The following ARHGEF12 variants were observed in gnomAD, a reference collection of about 807,000 sequenced individuals.
ARHGEF12 encodes the protein KMT2A/ARHGEF12 fusion protein.
Under a neutral mutation model 211.2 loss-of-function variants are expected in ARHGEF12, and 66 were observed. The observed-to-expected ratio is 0.31, with a 90% confidence interval of 0.26 to 0.38. ARHGEF12 has a LOEUF of 0.38. ARHGEF12 is among the 10% of genes least tolerant of loss of function. The probability of loss-of-function intolerance (pLI) is 1.00; values close to 1 mark genes in which losing one functional copy is unlikely to be tolerated. For synonymous variants in ARHGEF12, 592 were observed against 638.4 expected (o/e 0.93, Z 1.09); for missense variants, 1,429 against 1,869.5 (o/e 0.76, Z 4.34).
At chr11:120,435,336 A>G (rs1226498124) in intron 11 of ARHGEF12, among the ~76,000 whole-genome samples, 2 of 152,060 alleles carry the variant, frequency 1.3e-5, no homozygotes, top group South Asian at 2.1e-4. Flanking sequence ...AGTTAAATCT[A>G]CAAGTCTTGA....
At chr11:120,373,529 G>A (rs1300892395) in intron 1 of ARHGEF12, among the ~76,000 whole-genome samples, 2 of 152,010 alleles carry the variant, frequency 1.3e-5, no homozygotes, top group East Asian at 3.9e-4. Flanking sequence ...ATACATATTT[G>A]GTGAATGAAT....
At chr11:120,412,822 C>G (rs1944926098) in intron 4 of ARHGEF12, among the ~76,000 whole-genome samples, 1 of 152,084 alleles carries the variant, frequency 6.6e-6, no homozygotes, top group South Asian at 2.1e-4. Context: ...CTTATATTTC[C>G]TTAAAGTTAT....
chr11:120,355,167 C>G (rs960952233), intron 1 of ARHGEF12, among the ~76,000 whole-genome samples: 2 of 152,084 alleles, frequency 1.3e-5, no homozygotes, highest in Non-Finnish European at 2.9e-5. Flanking sequence ...GGAAAGCAAC[C>G]GGTTCACAGT....
At chr11:120,484,945 C>G (rs1440720213) in intron 40 of ARHGEF12, 122 bp from the exon 41 acceptor site, 3 of 1,035,746 alleles carry the variant, frequency 2.9e-6, no homozygotes, top group African/African-American at 3.2e-5. Flanking sequence ...TTATACTCAT[C>G]TGCTTACATA....
At chr11:120,371,789 A>G (rs1943596567) in intron 1 of ARHGEF12, among the ~76,000 whole-genome samples, 1 of 152,168 alleles carries the variant, frequency 6.6e-6, no homozygotes, top group African/African-American at 2.4e-5. Context: ...TGTTGGATGT[A>G]TTTCCTCCTT....
At chr11:120,387,058 A>C (rs545114152) in intron 1 of ARHGEF12, among the ~76,000 whole-genome samples, 2 of 152,216 alleles carry the variant, frequency 1.3e-5, no homozygotes, top group African/African-American at 4.8e-5. Context: ...TGATTGAGCA[A>C]ATCATTTAAC....
intron 7 of ARHGEF12, among the ~76,000 whole-genome samples, chr11:120,426,839 A>G (rs994777740): frequency 6.6e-6 from 1 of 151,968 alleles, no homozygotes; most frequent in African/African-American, 2.4e-5. Context: ...TGCCATATCT[A>G]TTACTGACTC....
chr11:120,411,945 C>G (rs1190497351), intron 4 of ARHGEF12: 1 of 152,126 alleles, frequency 6.6e-6, no homozygotes, highest in African/African-American at 2.4e-5. Context: ...CCGCACCTGG[C>G]TTCTTAGCCA....
At chr11:120,374,382 A>G (rs1350326146) in intron 1 of ARHGEF12, among the ~76,000 whole-genome samples, 1 of 152,196 alleles carries the variant, frequency 6.6e-6, no homozygotes, top group African/African-American at 2.4e-5. Context: ...ATTCATTTTT[A>G]TTTAAGCACC....
chr11:120,468,513 A>G (rs1350613047), intron 29 of ARHGEF12, among the ~76,000 whole-genome samples: 5 of 152,124 alleles, frequency 3.3e-5, no homozygotes, highest in Non-Finnish European at 7.3e-5. Context: ...AAGTGGCACA[A>G]TCTCTGCTCA....
At chr11:120,399,396 T>C (rs112370201) in intron 1 of ARHGEF12, among the ~76,000 whole-genome samples, 151 of 140,278 alleles carry the variant, frequency 1.1e-3, no homozygotes, top group African/African-American at 3.9e-3. Flanking sequence ...TTCGAGGAGA[T>C]GGTACACATT....
At chr11:120,431,029 C>T (rs187612516) in intron 10 of ARHGEF12, among the ~76,000 whole-genome samples, 193 of 152,272 alleles carry the variant, frequency 1.3e-3, no homozygotes, top group African/African-American at 4.1e-3. Flanking sequence ...GTGGCTCACA[C>T]CTGTAATCCC....
At chr11:120,440,265 C>T in intron 13 of ARHGEF12, 44 bp downstream of exon 13, 1 of 1,491,540 alleles carries the variant, frequency 6.7e-7, no homozygotes, top group East Asian at 2.3e-5. Context: ...TTACTTTCTG[C>T]AATATCTGAT....
At chr11:120,479,460 T>G (rs1029835654) in intron 37 of ARHGEF12, among the ~76,000 whole-genome samples, 1 of 152,222 alleles carries the variant, frequency 6.6e-6, no homozygotes, top group African/African-American at 2.4e-5. Flanking sequence ...CATTCAAAAT[T>G]AAATTGGTTC....
intron 23 of ARHGEF12, 80 bp from the exon 24 acceptor site, chr11:120,457,641 C>T: frequency 2.8e-6 from 3 of 1,069,460 alleles, no homozygotes; most frequent in Non-Finnish European, 1.3e-6. Flanking sequence ...TGGAGTTTAA[C>T]CTAGCTTTGA....
chr11:120,359,211 C>T (rs1054788092), intron 1 of ARHGEF12, among the ~76,000 whole-genome samples: 3 of 151,968 alleles, frequency 2.0e-5, no homozygotes, highest in Non-Finnish European at 1.5e-5. Flanking sequence ...GGCATGAATA[C>T]CAAGAGTCAA....
intron 38 of ARHGEF12, among the ~76,000 whole-genome samples, chr11:120,480,873 A>G (rs1422718103): frequency 1.3e-5 from 2 of 152,158 alleles, no homozygotes; most frequent in Non-Finnish European, 2.9e-5. Flanking sequence ...GGAGCTTACT[A>G]TTCCAGCAGA....
chr11:120,457,846 A>T, intron 24 of ARHGEF12, 90 bp downstream of exon 24: 1 of 1,347,400 alleles, frequency 7.4e-7, no homozygotes, highest in Non-Finnish European at 1.0e-6. Flanking sequence ...AGGAAAAGAA[A>T]CCCTGTATAC....
At chr11:120,409,201 C>T (rs967388632) in intron 3 of ARHGEF12, 193 bp from the exon 4 acceptor site, 25 of 541,092 alleles carry the variant, frequency 4.6e-5, no homozygotes, top group South Asian at 1.3e-4. Context: ...GTCTTTTCTT[C>T]GATAAATCTT....
Sources: gnomAD v4.1 joint callset for allele counts (sites outside exome capture counted in the v4.1 genomes callset) on GRCh38, gnomAD v4.1.1 for gene constraint, MANE v1.5 for transcripts, NCBI Gene and HGNC (gene_info 2026-07-23, HGNC 2026-07-21) for gene names.